Variants in LGALS9C observed in about 807,000 individuals in gnomAD.
LGALS9C encodes galectin 9C, also known as galectin-9C.
LGALS9C carries 7 observed loss-of-function variants against 41.3 expected under a neutral mutation model. The observed-to-expected ratio is 0.17, with a 90% confidence interval of 0.10 to 0.32. The LOEUF (loss-of-function observed/expected upper bound fraction) is 0.32, where lower values mean the gene tolerates loss of function less well. Ranked by LOEUF, LGALS9C falls within the 10% of genes least tolerant of loss-of-function variation. The pLI is 1.00. For missense variants in LGALS9C, 102 were observed against 455.2 expected (o/e 0.22, Z 7.06); for synonymous variants, 44 against 171.0 (o/e 0.26, Z 5.80).
At position 18,483,989 on chromosome 17, in the gene LGALS9C, G is replaced by A. The variant is rs1237246703; in HGVS notation, c.131+23G>A. 6 of 1,362,734 alleles carry A rather than the reference G, an allele frequency of 4.4e-6. 1 individual carries two copies. The highest frequency in any genetic ancestry group is 2.0e-4 in the Middle Eastern group (1 of 5,008). 84.4% of individuals were successfully genotyped at this position (1,362,734 alleles called of 1,614,324 possible). On this transcript the variant is annotated intron_variant, in intron 2 of 10. Coordinates refer to ENST00000328114, the MANE Select transcript of LGALS9C (RefSeq NM_001040078.3). Reference sequence around the variant, plus strand: ...CAGGTGTGTGTATATGGATGGAAACGTTTCACTCCAGCCTCGTCCCTTAGT... The same window carrying A: ...CAGGTGTGTGTATATGGATGGAAACATTTCACTCCAGCCTCGTCCCTTAGT...
intron 2 of LGALS9C, among the ~76,000 whole-genome samples, chr17:18,485,391 T>G (rs2151666684): frequency 1.1e-5 from 1 of 94,710 alleles, no homozygotes. Flanking sequence ...TAAGTAGAGA[T>G]GAGATCTCGC....
chr17:18,487,487 G>A (rs866698371), intron 3 of LGALS9C, among the ~76,000 whole-genome samples, 160 bp from the exon 4 acceptor site: 3 of 61,786 alleles, frequency 4.9e-5, no homozygotes, highest in Admixed American at 1.7e-4. Flanking sequence ...TAGAGACTCC[G>A]GTTGATGCAC....
chr17:18,482,266 C>T (rs199684668), intron 1 of LGALS9C, among the ~76,000 whole-genome samples: 7,080 of 125,164 alleles, frequency 0.057, 4 homozygotes, highest in African/African-American at 0.18. Context: ...CCACCTCAGC[C>T]TCCCAAGTAA....
chr17:18,492,929 G>T, intron 10 of LGALS9C, 70 bp downstream of exon 10: 2 of 1,409,794 alleles, frequency 1.4e-6, no homozygotes, highest in South Asian at 2.4e-5. Context: ...AGGAGGTCTG[G>T]GGTACCTTGA....
intron 1 of LGALS9C, among the ~76,000 whole-genome samples, chr17:18,480,708 AC>A: frequency 9.8e-6 from 1 of 101,780 alleles, no homozygotes; most frequent in East Asian, 2.1e-4. Context: ...AATTTATTTC[AC>A]CTTTTCCCTG....
intron 10 of LGALS9C, among the ~76,000 whole-genome samples, 160 bp downstream of exon 10, chr17:18,493,019 A>G (rs1989880142): frequency 7.6e-6 from 1 of 131,672 alleles, no homozygotes; most frequent in South Asian, 2.5e-4. Flanking sequence ...ATTATTAATA[A>G]TTATTACTGT....
At chr17:18,488,159 T>C (rs1456544836) in intron 4 of LGALS9C, among the ~76,000 whole-genome samples, 3 of 129,614 alleles carry the variant, frequency 2.3e-5, no homozygotes, top group African/African-American at 7.8e-5. Flanking sequence ...AGCCTCAGTT[T>C]TGTCATCTGT....
chr17:18,484,738 C>A (rs1392472244), intron 2 of LGALS9C, among the ~76,000 whole-genome samples: 1 of 151,072 alleles, frequency 6.6e-6, no homozygotes, highest in African/African-American at 2.4e-5. Context: ...CTCTTAAGAC[C>A]CTCTGGGCCT....
intron 1 of LGALS9C, among the ~76,000 whole-genome samples, chr17:18,479,513 T>A (rs1989320530): frequency 7.9e-6 from 1 of 126,434 alleles, no homozygotes; most frequent in African/African-American, 2.6e-5. Context: ...GTTACTGCCC[T>A]GCCATTCAGA....
At chr17:18,488,884 T>A in intron 4 of LGALS9C, 57 bp from the exon 5 acceptor site, 1 of 1,444,686 alleles carries the variant, frequency 6.9e-7, no homozygotes, top group Non-Finnish European at 9.5e-7. Context: ...GCCTTTCGGC[T>A]TCTCCTTGGC....
At chr17:18,484,658 G>A (rs528734193) in intron 2 of LGALS9C, among the ~76,000 whole-genome samples, 196 of 149,830 alleles carry the variant, frequency 1.3e-3, no homozygotes, top group African/African-American at 4.5e-3. Flanking sequence ...AAGTCTGCGG[G>A]GCCCACAGAA....
At chr17:18,493,248 G>GT (rs1989887884) in intron 10 of LGALS9C, among the ~76,000 whole-genome samples, 1 of 114,780 alleles carries the variant, frequency 8.7e-6, no homozygotes, top group East Asian at 2.0e-4. Flanking sequence ...AAGCAGACAC[G>GT]TAGGGTCCTT....
Position 18,494,620 on chromosome 17 carries a change from C to G in LGALS9C, c.*253C>G. The G allele has an allele frequency of 8.7e-6, 5 of 573,890 alleles. No individual in the cohort carries two copies. The highest frequency in any genetic ancestry group is 4.2e-5 in the South Asian group (2 of 47,660). The allele number at this position is 573,890 out of a possible 1,614,324, so 35.5% of individuals were successfully genotyped here. On this transcript the variant is annotated 3_prime_UTR_variant, in exon 11 of 11. Coordinates refer to ENST00000328114, the MANE Select transcript of LGALS9C (RefSeq NM_001040078.3). ...GCTGGAATCCTACAATCCCAGAAGG[C>G]GGGCACAGCCAGGGAGAGGGGAGGA...
rs1346980861 is a variant in LGALS9C at position 18,494,606 on chromosome 17, A to G, written c.*239A>G. 3.1e-6 allele frequency: 2 copies of G among 638,456 alleles called. No homozygotes were observed. The highest frequency in any genetic ancestry group is 1.8e-5 in the African/African-American group (1 of 56,982). The allele number at this position is 638,456 out of a possible 1,614,324, so 39.5% of individuals were successfully genotyped here. A position where few individuals can be genotyped will look rare whatever the true frequency, so the allele number is the denominator to read the frequency against. ...CTGGGGCGCCAGCTGCTGGAATCCT[A>G]CAATCCCAGAAGGCGGGCACAGCCA... is the stretch of plus-strand genomic sequence containing the variant. On this transcript the variant is annotated 3_prime_UTR_variant, in exon 11 of 11. Coordinates refer to ENST00000328114, the MANE Select transcript of LGALS9C (RefSeq NM_001040078.3).
chr17:18,478,385 C>T lies in LGALS9C; in HGVS notation c.39+1492C>T, dbSNP rs1157602918. On this transcript the variant is annotated intron_variant, in intron 1 of 10. Transcript: ENST00000328114. ...GGCCTTGGAGCTCAGACAAGAAAGA[C>T]GATCAGTGCAGCCCCCACAGGTGTC... Among the ~76,000 whole-genome samples, 35 of 120,618 alleles carry T rather than the reference C, an allele frequency of 2.9e-4. 3 individuals are homozygous for T. The highest frequency in any genetic ancestry group is 1.2e-3 in the East Asian group (6 of 4,912). 79.1% of individuals were successfully genotyped at this position (120,618 alleles called of 152,430 possible).
intron 1 of LGALS9C, among the ~76,000 whole-genome samples, chr17:18,481,033 A>G (rs1598140954): frequency 1.4e-5 from 2 of 138,962 alleles, no homozygotes; most frequent in South Asian, 4.5e-4. Flanking sequence ...CTGAGGTGGG[A>G]GGATTACTTG....
rs538783911 is a variant in LGALS9C at position 18,488,801 on chromosome 17, C to T, written c.445-140C>T. 70 of 1,264,554 alleles carry T rather than the reference C, an allele frequency of 5.5e-5. 1 individual carries two copies. The East Asian group carries it at 1.0e-3, about 18-fold the overall frequency. 78.3% of individuals were successfully genotyped at this position (1,264,554 alleles called of 1,614,324 possible). A position where few individuals can be genotyped will look rare whatever the true frequency, so the allele number is the denominator to read the frequency against. ...ACCGAAGCCTGGCCCTTTCCGCTCCCGCCTCCGTGTGGCCCTAACCCCCTT... is the reference window on the plus strand; with the variant it reads ...ACCGAAGCCTGGCCCTTTCCGCTCCTGCCTCCGTGTGGCCCTAACCCCCTT... On this transcript the variant is annotated intron_variant, in intron 4 of 10. Transcript: ENST00000328114.
At position 18,477,045 on chromosome 17, in the gene LGALS9C, T is replaced by C. The variant is rs1445278709; in HGVS notation, c.39+152T>C. 1.2e-5 allele frequency: 11 copies of C among 920,392 alleles called. 1 individual carries two copies. The highest frequency in any genetic ancestry group is 1.7e-5 in the Non-Finnish European group (10 of 596,826). The allele number at this position is 920,392 out of a possible 1,614,324, so 57.0% of individuals were successfully genotyped here. Reference sequence around the variant, plus strand: ...GCAGAAATGTCAGTGGGGGTCGTCCTGGCACAGCTGTGCCATGCTGAGCTC... The same window carrying C: ...GCAGAAATGTCAGTGGGGGTCGTCCCGGCACAGCTGTGCCATGCTGAGCTC... On this transcript the variant is annotated intron_variant, in intron 1 of 10. Coordinates refer to ENST00000328114, the MANE Select transcript of LGALS9C (RefSeq NM_001040078.3).
rs563554892 is a variant in LGALS9C, at chr17:18,480,269, C to A, written c.39+3376C>A. On this transcript the variant is annotated intron_variant, in intron 1 of 10. Coordinates refer to ENST00000328114, the MANE Select transcript of LGALS9C (RefSeq NM_001040078.3). ...CAAAACCCCCAAAACCAGCTTCTTG[C>A]TTCTGTTGTCACATCTCTTACCTCT... Among the ~76,000 whole-genome samples, 142 of 126,222 alleles carry A rather than the reference C, an allele frequency of 1.1e-3. 11 individuals carry two copies. Among genetic ancestry groups the A allele is most frequent in the African/African-American group, 3.6e-3 (138 of 38,674 alleles). The allele number at this position is 126,222 out of a possible 152,430, so 82.8% of individuals were successfully genotyped here.
Sources: gnomAD v4.1 joint callset for allele counts (sites outside exome capture counted in the v4.1 genomes callset) on GRCh38, gnomAD v4.1.1 for gene constraint, MANE v1.5 for transcripts, NCBI Gene and HGNC (gene_info 2026-07-23, HGNC 2026-07-21) for gene names.